DAB1: variants seen among roughly 807,000 people sequenced by gnomAD.
The protein encoded by DAB1 is DAB adaptor protein 1.
A neutral mutation model predicts 64.6 loss-of-function variants in DAB1; 15 were observed. That is an observed-to-expected ratio of 0.23 (90% confidence interval 0.16 to 0.36). The LOEUF (loss-of-function observed/expected upper bound fraction) is 0.36. Ranked by LOEUF, DAB1 falls within the 10% of genes least tolerant of loss-of-function variation. The pLI is 1.00. For synonymous variants in DAB1, 235 were observed against 251.9 expected, an observed-to-expected ratio of 0.93 and a Z score of 0.64; for missense variants, 596 against 706.7, an observed-to-expected ratio of 0.84 and a Z score of 1.78.
At chr1:57,214,003 C>T (rs942893011) in intron 2 of DAB1, among the ~76,000 whole-genome samples, 11 of 152,216 alleles carry the variant, frequency 7.2e-5, no homozygotes, top group African/African-American at 2.4e-4. Flanking sequence ...AATTGCAATG[C>T]AGTGGGATCT....
At chr1:57,256,646 C>G (rs1474059818) in intron 2 of DAB1, among the ~76,000 whole-genome samples, 2 of 152,222 alleles carry the variant, frequency 1.3e-5, no homozygotes, top group Admixed American at 1.3e-4. Flanking sequence ...TGACCTTATG[C>G]CTTGCTTCCT....
chr1:57,986,604 G>A (rs1002674318), intron 5 of DAB1, among the ~76,000 whole-genome samples: 6 of 152,070 alleles, frequency 3.9e-5, no homozygotes, highest in African/African-American at 7.2e-5. Flanking sequence ...CGTGTTCTCC[G>A]CTGCTTTACC....
chr1:57,238,319 G>A (rs1668241207), intron 2 of DAB1, among the ~76,000 whole-genome samples: 1 of 152,214 alleles, frequency 6.6e-6, no homozygotes, highest in African/African-American at 2.4e-5. Context: ...CAGCTTAGAG[G>A]AATGTAGCAA....
At chr1:58,329,016 T>C (rs151121639) in intron 4 of DAB1, among the ~76,000 whole-genome samples, 1 of 152,380 alleles carries the variant, frequency 6.6e-6, no homozygotes, top group East Asian at 1.9e-4. Flanking sequence ...AGTAGTGTTG[T>C]ATGTGCTTGG....
At chr1:57,904,963 T>C (rs931675732) in intron 5 of DAB1, among the ~76,000 whole-genome samples, 3 of 152,132 alleles carry the variant, frequency 2.0e-5, no homozygotes, top group Non-Finnish European at 4.4e-5. Flanking sequence ...AACTGCTCCA[T>C]GAAAGGATGT....
chr1:57,927,888 A>G (rs1008071368), intron 5 of DAB1, among the ~76,000 whole-genome samples: 1 of 152,116 alleles, frequency 6.6e-6, no homozygotes, highest in Non-Finnish European at 1.5e-5. Flanking sequence ...TCACTACTAA[A>G]TATTTTACAA....
At chr1:57,291,627 G>T (rs932430567) in intron 1 of DAB1, among the ~76,000 whole-genome samples, 1 of 152,094 alleles carries the variant, frequency 6.6e-6, no homozygotes, top group African/African-American at 2.4e-5. Context: ...CATCAGAGGG[G>T]GCATGGAGTT....
At chr1:57,789,304 T>C (rs759736891) in intron 6 of DAB1, among the ~76,000 whole-genome samples, 3 of 149,480 alleles carry the variant, frequency 2.0e-5, no homozygotes, top group African/African-American at 4.9e-5. Flanking sequence ...CGAGAAGAGG[T>C]AGAAGGGAAT....
At chr1:57,741,019 G>A (rs2101789748) in intron 6 of DAB1, among the ~76,000 whole-genome samples, 1 of 152,212 alleles carries the variant, frequency 6.6e-6, no homozygotes, top group East Asian at 1.9e-4. Context: ...GACCAATTTG[G>A]TTGACACTTC....
At chr1:58,324,548 T>C (rs1662777270) in intron 4 of DAB1, among the ~76,000 whole-genome samples, 1 of 152,176 alleles carries the variant, frequency 6.6e-6, no homozygotes, top group South Asian at 2.1e-4. Context: ...GCAAGCATAA[T>C]TTAAATCACC....
chr1:57,621,884 T>C (rs1276069625), intron 7 of DAB1, among the ~76,000 whole-genome samples: 1 of 152,200 alleles, frequency 6.6e-6, no homozygotes, highest in African/African-American at 2.4e-5. Flanking sequence ...CCAAACTCAA[T>C]CTTCTGCATA....
rs192188359 is a variant in DAB1 at position 58,047,564 on chromosome 1, T to C, written n.387+102947A>G. 1.4e-4 allele frequency among the ~76,000 whole-genome samples: 22 copies of C among 152,322 alleles called. No homozygotes were observed. The East Asian group carries it at 2.9e-3, about 20-fold the overall frequency. On this transcript the variant is annotated intron_variant and non_coding_transcript_variant, in intron 5 of 20. Transcript: ENST00000485760. ...CCCTTCACTCCTCTCATTGAAAGCA[T>C]AGATACTAATTTTGATTTTTTTTAA...
chr1:57,423,765 C>T (rs1685114924), intron 1 of DAB1, among the ~76,000 whole-genome samples, 165 bp downstream of exon 1: 1 of 152,122 alleles, frequency 6.6e-6, no homozygotes, highest in Non-Finnish European at 1.5e-5. Context: ...CTGCAGTCGC[C>T]ATCCTCCCAG....
At chr1:58,010,339 T>C (rs1022475815) in intron 5 of DAB1, among the ~76,000 whole-genome samples, 4 of 152,162 alleles carry the variant, frequency 2.6e-5, no homozygotes, top group Non-Finnish European at 4.4e-5. Flanking sequence ...GAAAAACATA[T>C]ACATACATCT....
chr1:57,922,845 C>CAAAAAAAAAAAAAAAAAAAAAAA (rs367897659), intron 5 of DAB1, among the ~76,000 whole-genome samples: 1 of 45,008 alleles, frequency 2.2e-5, no homozygotes, highest in East Asian at 9.3e-4. Context: ...GACTCCATCT[C>CAAAAAAAAAAAAAAAAAAAAAAA]AAAAAAAAAA....
chr1:57,909,675 T>C (rs1001612532), intron 5 of DAB1, among the ~76,000 whole-genome samples: 2 of 152,076 alleles, frequency 1.3e-5, no homozygotes, highest in Non-Finnish European at 2.9e-5. Context: ...AGAAAAAAAA[T>C]ATTGCAGGTT....
chr1:57,785,799 G>T (rs942241747), intron 6 of DAB1, among the ~76,000 whole-genome samples: 2 of 152,140 alleles, frequency 1.3e-5, no homozygotes, highest in African/African-American at 4.8e-5. Flanking sequence ...TGATAGCAGA[G>T]GATTTAGAAT....
chr1:57,171,068 CCA>C lies in DAB1; in HGVS notation c.68-25641_68-25640del, dbSNP rs1661707407. 4.6e-5 allele frequency among the ~76,000 whole-genome samples: 7 copies of C among 152,224 alleles called. No individual in the cohort carries two copies. In the South Asian group the frequency reaches 1.5e-3, roughly 32 times the overall value. ...TTGTGCTGTGGCTGGAAGAATCTCC[CCA>C]GAGTCAATGGATGCAGTGCTGCCAG... On this transcript the variant is annotated intron_variant, in intron 2 of 14. Transcript: ENST00000371236.
intron 1 of DAB1, among the ~76,000 whole-genome samples, chr1:57,309,802 T>C (rs1375790307): frequency 1.3e-5 from 2 of 152,204 alleles, no homozygotes; most frequent in Non-Finnish European, 2.9e-5. Context: ...CTCCTGGCCC[T>C]TGTGGGAGCT....
Sources: allele counts gnomAD v4.1 joint callset (sites outside exome capture counted in the v4.1 genomes callset), GRCh38; gene constraint gnomAD v4.1.1; transcripts MANE v1.5; gene names NCBI Gene and HGNC (gene_info 2026-07-23, HGNC 2026-07-21).